EBF2: variants seen among roughly 807,000 people sequenced by gnomAD.
The protein encoded by EBF2 is transcription factor COE2.
In EBF2, 21 loss-of-function variants were observed where a neutral mutation model predicts 72.8. The ratio of observed to expected loss-of-function variants is 0.29; its 90% CI spans 0.20 to 0.42. EBF2 has a LOEUF of 0.42. EBF2 is among the 10% of genes least tolerant of loss of function. EBF2 has a pLI of 1.00. For missense variants in EBF2, 637 were observed against 731.2 expected (o/e 0.87, Z 1.49); for synonymous variants, 299 against 274.2 (o/e 1.09, Z -0.89).
chr8:25,960,958 A>G (rs573957172), intron 6 of EBF2, among the ~76,000 whole-genome samples: 1 of 152,348 alleles, frequency 6.6e-6, no homozygotes, highest in South Asian at 2.1e-4. Flanking sequence ...GTGTTTATCC[A>G]TATGTGCATA....
intron 6 of EBF2, among the ~76,000 whole-genome samples, chr8:25,956,379 T>C (rs1181351628): frequency 6.6e-6 from 1 of 151,584 alleles, no homozygotes; most frequent in Non-Finnish European, 1.5e-5. Context: ...TACTCCAGCC[T>C]GGGCAACAAG....
rs981452729 is a variant in EBF2 at position 25,990,190 on chromosome 8, C to T, written c.551+42895G>A. Among the ~76,000 whole-genome samples, 16 of 120,832 alleles carry T rather than the reference C, an allele frequency of 1.3e-4. No homozygotes were observed. The East Asian group carries it at 2.4e-3, about 18-fold the overall frequency. 79.3% of individuals were successfully genotyped at this position (120,832 alleles called of 152,430 possible). Reference sequence around the variant, plus strand: ...ATATAATACAGAGCTATGGGTTATACACACACACACACACACACACACACA... The same window carrying T: ...ATATAATACAGAGCTATGGGTTATATACACACACACACACACACACACACA... On this transcript the variant is annotated intron_variant, in intron 6 of 15. Transcript: ENST00000520164.
intron 6 of EBF2, among the ~76,000 whole-genome samples, chr8:25,992,333 CAAAAAAAAAAAA>C (rs36020598): frequency 1.9e-5 from 1 of 52,558 alleles, no homozygotes; most frequent in Non-Finnish European, 3.1e-5. Context: ...GACTCTGTCT[CAAAAAAAAAAAA>C]AAAAAAAAAA....
intron 5 of EBF2, among the ~76,000 whole-genome samples, chr8:26,038,351 G>A (rs1437858800): frequency 2.6e-5 from 4 of 152,168 alleles, no homozygotes; most frequent in African/African-American, 9.7e-5. Flanking sequence ...TACTAATGCA[G>A]ACTAAACTAG....
intron 6 of EBF2, among the ~76,000 whole-genome samples, chr8:25,971,618 T>C (rs1040427913): frequency 1.4e-4 from 22 of 152,144 alleles, no homozygotes; most frequent in Non-Finnish European, 2.8e-4. Flanking sequence ...CTCACTAATA[T>C]TGATAGGTTA....
intron 6 of EBF2, among the ~76,000 whole-genome samples, chr8:26,020,792 C>T (rs1162191374): frequency 6.6e-6 from 1 of 152,114 alleles, no homozygotes; most frequent in Non-Finnish European, 1.5e-5. Context: ...TATCCAGATA[C>T]AGGTCTAAAG....
intron 9 of EBF2, among the ~76,000 whole-genome samples, chr8:25,887,622 T>G (rs1802713086): frequency 6.6e-6 from 1 of 152,180 alleles, no homozygotes; most frequent in South Asian, 2.1e-4. Context: ...TCAAAACATT[T>G]TTTAACGGTG....
intron 10 of EBF2, among the ~76,000 whole-genome samples, chr8:25,866,976 T>C (rs1802342147): frequency 6.6e-6 from 1 of 152,166 alleles, no homozygotes; most frequent in East Asian, 1.9e-4. Context: ...CATTAATTCA[T>C]GGAAGTAATG....
chr8:25,968,621 G>A (rs1039758213), intron 6 of EBF2, among the ~76,000 whole-genome samples: 1 of 152,144 alleles, frequency 6.6e-6, no homozygotes, highest in Non-Finnish European at 1.5e-5. Context: ...GAGTGCTGTG[G>A]CATGATCTCA....
chr8:25,949,966 T>C, intron 6 of EBF2, among the ~76,000 whole-genome samples: 1 of 152,220 alleles, frequency 6.6e-6, no homozygotes, highest in Non-Finnish European at 1.5e-5. Context: ...TCATCACCTT[T>C]AGAAATGAAA....
chr8:25,922,287 A>G (rs892022804), intron 6 of EBF2, among the ~76,000 whole-genome samples: 1 of 151,956 alleles, frequency 6.6e-6, no homozygotes, highest in Admixed American at 6.6e-5. Context: ...ACCTGGTTTT[A>G]TGTTTCACAA....
chr8:25,992,562 A>T (rs1248866512), intron 6 of EBF2, among the ~76,000 whole-genome samples: 1 of 151,960 alleles, frequency 6.6e-6, no homozygotes, highest in African/African-American at 2.4e-5. Context: ...AAAGCCACAG[A>T]CCCATCAGGC....
chr8:26,014,835 G>T (rs1805081849), intron 6 of EBF2, among the ~76,000 whole-genome samples: 1 of 152,198 alleles, frequency 6.6e-6, no homozygotes, highest in African/African-American at 2.4e-5. Flanking sequence ...GAATGAAGAA[G>T]AAAAACAGTG....
intron 6 of EBF2, among the ~76,000 whole-genome samples, chr8:25,950,682 C>T (rs902159423): frequency 2.6e-5 from 4 of 152,150 alleles, no homozygotes; most frequent in African/African-American, 9.7e-5. Context: ...AACTACTGAC[C>T]CAGGGTCAAA....
rs34159255 is a variant in EBF2 at position 26,013,694 on chromosome 8, T to TA, written c.551+19390dup. Among the ~76,000 whole-genome samples the TA allele has an allele frequency of 1.9e-3, 282 of 145,562 alleles. 2 individuals carry two copies. The highest frequency in any genetic ancestry group is 0.015 in the East Asian group (75 of 5,014). On this transcript the variant is annotated intron_variant, in intron 6 of 15. Transcript: ENST00000520164. ...CTCAAATCACATTTCCACCCACTAT[T>TA]AAAAAAAAAAAATCAAGGCAAGACA...
rs148007246 is a variant in EBF2 at position 26,028,511 on chromosome 8, GA to G, written c.551+4573del. ...TCTGACTTTTTATGGGGCTGACAAGGACAGGAACAATAGGGACTCATCTTCC... is the reference window on the plus strand; with the variant it reads ...TCTGACTTTTTATGGGGCTGACAAGGCAGGAACAATAGGGACTCATCTTCC... On this transcript the variant is annotated intron_variant, in intron 6 of 15. Coordinates refer to ENST00000520164, the MANE Select transcript of EBF2 (RefSeq NM_022659.4). 2.7e-3 allele frequency among the ~76,000 whole-genome samples: 406 copies of G among 152,250 alleles called. 3 individuals carry two copies. The highest frequency in any genetic ancestry group is 9.5e-3 in the African/African-American group (394 of 41,550).
chr8:25,884,335 A>T (rs1802653707), intron 10 of EBF2, among the ~76,000 whole-genome samples: 2 of 152,120 alleles, frequency 1.3e-5, no homozygotes, highest in Non-Finnish European at 2.9e-5. Flanking sequence ...ACCCAGCCCA[A>T]GGGAGCTCCT....
At chr8:25,915,412 T>A (rs1047857459) in intron 6 of EBF2, among the ~76,000 whole-genome samples, 1 of 152,128 alleles carries the variant, frequency 6.6e-6, no homozygotes, top group Non-Finnish European at 1.5e-5. Context: ...TCCTTCATGT[T>A]GCAAAATAAA....
intron 10 of EBF2, among the ~76,000 whole-genome samples, chr8:25,870,833 C>A (rs1447866946): frequency 1.3e-5 from 2 of 151,850 alleles, no homozygotes; most frequent in Non-Finnish European, 2.9e-5. Context: ...CAGGTCCCTG[C>A]CAGACTTCAT....
Sources: gnomAD v4.1 joint callset for allele counts (sites outside exome capture counted in the v4.1 genomes callset) on GRCh38, gnomAD v4.1.1 for gene constraint, MANE v1.5 for transcripts, NCBI Gene and HGNC (gene_info 2026-07-23, HGNC 2026-07-21) for gene names.